ALK: variants seen among roughly 807,000 people sequenced by gnomAD.
ALK encodes the protein ALK tyrosine kinase receptor.
In ALK, 74 loss-of-function variants were observed where a neutral mutation model predicts 163.1. The ratio of observed to expected loss-of-function variants is 0.45; its 90% CI spans 0.38 to 0.55. The LOEUF is 0.55. Among genes scored for constraint, ALK ranks in the 20% least tolerant of loss-of-function variants. The pLI, the probability that ALK is intolerant of heterozygous loss-of-function variation, is 0.00. For missense variants in ALK, 2,063 were observed against 2,105.3 expected (o/e 0.98, Z 0.39); for synonymous variants, 960 against 843.2 (o/e 1.14, Z -2.40).
intron 3 of ALK, among the ~76,000 whole-genome samples, chr2:29,617,927 G>A (rs1472795055): frequency 6.6e-6 from 1 of 152,198 alleles, no homozygotes; most frequent in Non-Finnish European, 1.5e-5. Flanking sequence ...CACACCCATA[G>A]TCCTGTGATG....
chr2:29,824,356 G>C (rs1665135292), intron 1 of ALK, among the ~76,000 whole-genome samples: 1 of 152,232 alleles, frequency 6.6e-6, no homozygotes, highest in Non-Finnish European at 1.5e-5. Flanking sequence ...GCACCACCTA[G>C]TGGAGCTGTG....
chr2:29,843,038 C>G (rs1312760599), intron 1 of ALK, among the ~76,000 whole-genome samples: 1 of 152,102 alleles, frequency 6.6e-6, no homozygotes, highest in African/African-American at 2.4e-5. Context: ...TATGAAGTCC[C>G]CAGAACGCAG....
intron 1 of ALK, among the ~76,000 whole-genome samples, chr2:29,897,242 G>A (rs1667294461): frequency 6.6e-6 from 1 of 151,998 alleles, no homozygotes; most frequent in Non-Finnish European, 1.5e-5. Flanking sequence ...ACCACCTGAG[G>A]TTGCAAGTGG....
chr2:29,860,951 G>T (rs933687211), intron 1 of ALK, among the ~76,000 whole-genome samples: 4 of 152,128 alleles, frequency 2.6e-5, no homozygotes, highest in African/African-American at 9.7e-5. Context: ...CAGGTGGATT[G>T]CTTGAGCCCA....
At chr2:29,678,308 A>G (rs1036590959) in intron 3 of ALK, among the ~76,000 whole-genome samples, 1 of 151,700 alleles carries the variant, frequency 6.6e-6, no homozygotes, top group Non-Finnish European at 1.5e-5. Context: ...TTTCTACTCA[A>G]TCTTTATTTC....
chr2:29,471,732 TTTC>T (rs1378972841), intron 4 of ALK, among the ~76,000 whole-genome samples: 1 of 128,228 alleles, frequency 7.8e-6, no homozygotes, highest in African/African-American at 2.7e-5. Context: ...GCTAAATAAC[TTTC>T]TTTTCTTTTT....
At chr2:29,250,447 C>T (rs898046057) in intron 12 of ALK, among the ~76,000 whole-genome samples, 5 of 152,200 alleles carry the variant, frequency 3.3e-5, no homozygotes, top group African/African-American at 1.2e-4. Context: ...TTAGAAATGT[C>T]AGTTCTCAGC....
chr2:29,327,291 C>A (rs959331427), intron 6 of ALK, among the ~76,000 whole-genome samples: 13 of 152,128 alleles, frequency 8.5e-5, no homozygotes, highest in Admixed American at 8.5e-4. Context: ...AGTCAGTAAG[C>A]ACAGACGCTG....
chr2:29,193,973 G>C (rs747659635), intron 28 of ALK, 51 bp from the exon 29 acceptor site: 1 of 1,530,660 alleles, frequency 6.5e-7, no homozygotes, highest in South Asian at 1.1e-5. Context: ...AAAAATGTTG[G>C]ATCTAGAAGA....
At chr2:29,419,485 G>A (rs1406321109) in intron 4 of ALK, among the ~76,000 whole-genome samples, 1 of 151,412 alleles carries the variant, frequency 6.6e-6, no homozygotes. Flanking sequence ...CCTTCTGGGT[G>A]GAGGAACAAG....
intron 1 of ALK, among the ~76,000 whole-genome samples, chr2:29,794,155 TTC>T (rs1664250286): frequency 6.6e-6 from 1 of 152,208 alleles, no homozygotes; most frequent in Admixed American, 6.5e-5. Context: ...CACTTGCTGC[TTC>T]ACCTCGCACT....
At chr2:29,703,195 G>C (rs762702139) in intron 2 of ALK, among the ~76,000 whole-genome samples, 3 of 152,168 alleles carry the variant, frequency 2.0e-5, no homozygotes, top group Non-Finnish European at 4.4e-5. Flanking sequence ...TTATTTTCCT[G>C]CTAAAAATGC....
chr2:29,680,814 T>G (rs1331678466), intron 3 of ALK, among the ~76,000 whole-genome samples: 1 of 152,126 alleles, frequency 6.6e-6, no homozygotes, highest in East Asian at 1.9e-4. Context: ...ACAGCAATTC[T>G]GGATTCTGAT....
intron 3 of ALK, among the ~76,000 whole-genome samples, chr2:29,567,688 C>A (rs186885264): frequency 6.6e-6 from 1 of 152,052 alleles, no homozygotes; most frequent in African/African-American, 2.4e-5. Flanking sequence ...CGTCTGGCCA[C>A]GTTTCCACTC....
chr2:29,283,931 T>C (rs1665780683), intron 9 of ALK, among the ~76,000 whole-genome samples: 1 of 152,150 alleles, frequency 6.6e-6, no homozygotes, highest in Non-Finnish European at 1.5e-5. Context: ...AGTGTAGAGA[T>C]GTGTAAGACG....
At chr2:29,714,797 C>T (rs1469281662) in intron 2 of ALK, among the ~76,000 whole-genome samples, 7 of 152,180 alleles carry the variant, frequency 4.6e-5, no homozygotes, top group African/African-American at 2.4e-5. Flanking sequence ...ATGTCTTTCA[C>T]GGCAGTTGAA....
At chr2:29,799,235 T>C (rs751644134) in intron 1 of ALK, among the ~76,000 whole-genome samples, 1 of 152,190 alleles carries the variant, frequency 6.6e-6, no homozygotes, top group Non-Finnish European at 1.5e-5. Context: ...AAAAGAAACA[T>C]TTTCAGAAAC....
At chr2:29,641,305 T>A (rs6547963) in intron 3 of ALK, among the ~76,000 whole-genome samples, 99,929 of 151,868 alleles carry the variant, frequency 0.66, 33,229 homozygotes, top group East Asian at 0.73. Context: ...GGATTAGGTT[T>A]TCTGAGCAGG....
At chr2:29,830,370 T>C (rs894442055) in intron 1 of ALK, among the ~76,000 whole-genome samples, 3 of 152,144 alleles carry the variant, frequency 2.0e-5, no homozygotes, top group African/African-American at 7.2e-5. Context: ...TAGCCTAGTA[T>C]TCCCCACTGA....
Sources: allele counts gnomAD v4.1 joint callset (sites outside exome capture counted in the v4.1 genomes callset), GRCh38; gene constraint gnomAD v4.1.1; transcripts MANE v1.5; gene names NCBI Gene and HGNC (gene_info 2026-07-23, HGNC 2026-07-21).